Variants in KALRN observed in about 807,000 individuals in gnomAD.
KALRN encodes kalirin.
A neutral mutation model predicts 353.7 loss-of-function variants in KALRN; 70 were observed. The observed-to-expected ratio is 0.20, with a 90% CI of 0.16 to 0.24. The LOEUF is 0.24. Among genes scored for constraint, KALRN ranks in the 10% least tolerant of loss-of-function variants. KALRN has a pLI of 1.00. For synonymous variants in KALRN, 1,391 were observed against 1,434.8 expected (o/e 0.97, Z 0.69); for missense variants, 2,791 against 3,756.7 (o/e 0.74, Z 6.72).
chr3:124,202,291 C>G (rs527494467), intron 1 of KALRN, among the ~76,000 whole-genome samples: 12 of 152,252 alleles, frequency 7.9e-5, no homozygotes, highest in Non-Finnish European at 1.8e-4. Context: ...CACTGTGTCA[C>G]CAAGGCTGGA....
intron 25 of KALRN, among the ~76,000 whole-genome samples, chr3:124,470,270 A>G (rs2060753437): frequency 6.6e-6 from 1 of 152,212 alleles, no homozygotes; most frequent in African/African-American, 2.4e-5. Context: ...TTGCTGCTAT[A>G]GAACAGCTAA....
chr3:124,294,556 G>A (rs1168263248), intron 5 of KALRN, among the ~76,000 whole-genome samples: 2 of 109,178 alleles, frequency 1.8e-5, no homozygotes, highest in African/African-American at 7.2e-5. Context: ...ATGGAGTCTC[G>A]CACTGTTCCC....
chr3:124,441,243 G>GCTTA (rs1019142492), intron 18 of KALRN, among the ~76,000 whole-genome samples: 1 of 152,182 alleles, frequency 6.6e-6, no homozygotes, highest in Admixed American at 6.5e-5. Flanking sequence ...TGTTTCCTGA[G>GCTTA]CTTACACCAG....
Position 124,269,104 on chromosome 3 carries a change from G to A in KALRN, c.818G>A (p.Ser273Asn), listed in dbSNP as rs779756637. 6.2e-7 allele frequency: 1 copy of A among 1,613,180 alleles called. No homozygotes were observed. Among genetic ancestry groups the A allele is most frequent in the Non-Finnish European group, 8.5e-7 (1 of 1,179,754 alleles). The change falls in exon 5 of 60, where the codon AGT (serine) becomes AAT (asparagine). Residue 273 changes from serine to asparagine, a missense_variant. Around this residue, in one of 11 missense-constraint regions of KALRN, gnomAD observed 366 missense variants for 489.2 expected, o/e 0.75. Coordinates refer to ENST00000682506, the MANE Select transcript of KALRN (RefSeq NM_001388419.1). ...GFSGRNCIPG[S>N]ADFQSLVPKI... ...TCAGGACGCAACTGCATCCCGGGCA[G>A]TGCTGACTTCCAGAGCCTGGTGCCC...
chr3:124,141,231 C>G (rs1442246130), intron 1 of KALRN, among the ~76,000 whole-genome samples: 2 of 152,172 alleles, frequency 1.3e-5, no homozygotes, highest in African/African-American at 2.4e-5. Context: ...TCTTTTACTT[C>G]AACTCCTCTT....
chr3:124,689,366 C>A (rs1439383684), intron 51 of KALRN, among the ~76,000 whole-genome samples: 1 of 151,976 alleles, frequency 6.6e-6, no homozygotes, highest in Non-Finnish European at 1.5e-5. Context: ...CCACACCTAG[C>A]TCATTTGTTT....
chr3:124,055,686 C>T (rs144019027), intron 1 of KALRN, among the ~76,000 whole-genome samples: 3 of 152,288 alleles, frequency 2.0e-5, no homozygotes, highest in African/African-American at 4.8e-5. Flanking sequence ...TGTGTGATCA[C>T]GATCACATGC....
intron 33 of KALRN, among the ~76,000 whole-genome samples, chr3:124,517,135 C>T (rs1365767155): frequency 1.3e-5 from 2 of 152,104 alleles, no homozygotes; most frequent in South Asian, 2.1e-4. Context: ...AATTCTTAAG[C>T]CACTTTTGCC....
intron 1 of KALRN, chr3:124,096,020 A>G (rs1261981539): frequency 6.6e-6 from 1 of 152,146 alleles, no homozygotes; most frequent in East Asian, 1.9e-4. Flanking sequence ...AGCACACACT[A>G]AAAGCAGTTT....
intron 34 of KALRN, among the ~76,000 whole-genome samples, chr3:124,624,491 C>T (rs548053413): frequency 6.6e-6 from 1 of 152,306 alleles, no homozygotes; most frequent in South Asian, 2.1e-4. Flanking sequence ...CATCCCTTCC[C>T]TCATGGATAA....
intron 1 of KALRN, among the ~76,000 whole-genome samples, chr3:124,111,790 A>G (rs910597419): frequency 7.9e-5 from 12 of 152,232 alleles, no homozygotes; most frequent in African/African-American, 1.9e-4. Flanking sequence ...TAATAAATTT[A>G]TTTAATCAAA....
intron 48 of KALRN, among the ~76,000 whole-genome samples, chr3:124,672,365 C>G (rs1331995832): frequency 2.0e-5 from 3 of 152,190 alleles, no homozygotes; most frequent in African/African-American, 7.2e-5. Context: ...TACCAGTTCC[C>G]TGTGGCATAA....
At chr3:124,353,791 A>G (rs1197057166) in intron 10 of KALRN, among the ~76,000 whole-genome samples, 1 of 152,238 alleles carries the variant, frequency 6.6e-6, no homozygotes, top group Non-Finnish European at 1.5e-5. Flanking sequence ...AAGCCAGGAA[A>G]ATGCAGAAAA....
intron 1 of KALRN, among the ~76,000 whole-genome samples, chr3:124,211,457 C>T (rs2076889543): frequency 6.6e-6 from 1 of 152,098 alleles, no homozygotes; most frequent in Admixed American, 6.5e-5. Context: ...TGTCCATAGC[C>T]TGTAGAAAAG....
At chr3:124,053,595 C>G (rs567537617) in intron 1 of KALRN, among the ~76,000 whole-genome samples, 8 of 152,216 alleles carry the variant, frequency 5.3e-5, no homozygotes, top group African/African-American at 1.9e-4. Context: ...TCTTCAAACT[C>G]TACATATTTT....
At chr3:124,472,020 A>T (rs2060965055) in intron 25 of KALRN, among the ~76,000 whole-genome samples, 1 of 151,884 alleles carries the variant, frequency 6.6e-6, no homozygotes, top group Non-Finnish European at 1.5e-5. Flanking sequence ...TCCTCATGAA[A>T]ATTATATGCT....
intron 33 of KALRN, among the ~76,000 whole-genome samples, chr3:124,527,124 G>A (rs1286660624): frequency 6.6e-6 from 1 of 152,184 alleles, no homozygotes; most frequent in Non-Finnish European, 1.5e-5. Context: ...AGATGAGGAA[G>A]GAGTGCAGGG....
At chr3:124,123,467 G>C (rs528851116) in intron 1 of KALRN, among the ~76,000 whole-genome samples, 2 of 152,276 alleles carry the variant, frequency 1.3e-5, no homozygotes, top group East Asian at 3.9e-4. Context: ...GAGAGGGGAG[G>C]AAGCTGCAGA....
intron 17 of KALRN, 138 bp from the exon 18 acceptor site, chr3:124,438,750 G>C (rs2093566488): frequency 4.7e-6 from 3 of 643,530 alleles, no homozygotes; most frequent in Non-Finnish European, 7.4e-6. Flanking sequence ...CTGCCTCCTG[G>C]ATTTCTCTTA....
Sources: gnomAD v4.1 joint callset for allele counts (sites outside exome capture counted in the v4.1 genomes callset) on GRCh38, gnomAD v4.1.1 for gene constraint, gnomAD v4.1.1 regional missense constraint, MANE v1.5 for transcripts, NCBI Gene and HGNC (gene_info 2026-07-23, HGNC 2026-07-21) for gene names.